DMD: variants seen among roughly 807,000 people sequenced by gnomAD.
DMD encodes the protein dystrophin.
A neutral mutation model predicts 330.1 loss-of-function variants in DMD; 63 were observed. The observed-to-expected ratio is 0.19, with a 90% confidence interval of 0.16 to 0.24. DMD has a LOEUF of 0.24. Among genes scored for constraint, DMD ranks in the 10% least tolerant of loss-of-function variants. The pLI, the probability that DMD is intolerant of heterozygous loss-of-function variation, is 1.00. For missense variants in DMD, 3,344 were observed against 2,684.1 expected (o/e 1.25, Z -5.43); for synonymous variants, 1,223 against 959.8 (o/e 1.27, Z -5.07).
At chrX:32,348,940 C>A (rs764614796) in intron 37 of DMD, among the ~76,000 whole-genome samples, 2 of 111,448 alleles carry the variant, frequency 1.8e-5, no homozygotes, top group South Asian at 7.4e-4. Context: ...GGTAGAAATG[C>A]AGAATTGTCA....
intron 61 of DMD, among the ~76,000 whole-genome samples, chrX:31,343,606 TGTGTGTGTGTGTGAGAGA>T (rs2057893009): frequency 1.0e-5 from 1 of 96,379 alleles, no homozygotes. Flanking sequence ...TGTGTGTGTG[TGTGTGTGTGTGTGAGAGA>T]GAGAGAGAGA....
chrX:32,524,001 C>A lies in DMD; in HGVS notation c.2169-5870G>T, dbSNP rs190984236. ...AGCCTGGAGTGCAGTGGCGCGATCT[C>A]GGCTCACTGCAAGCTCCGCCTCCCA... is the stretch of plus-strand genomic sequence containing the variant. On this transcript the variant is annotated intron_variant, in intron 17 of 78. Transcript: ENST00000357033. 7.6e-3 allele frequency among the ~76,000 whole-genome samples: 795 copies of A among 104,007 alleles called. 13 individuals are homozygous for A. Among genetic ancestry groups the A allele is most frequent in the African/African-American group, 0.027 (757 of 28,020 alleles). The allele number at this position is 104,007 out of a possible 115,157, so 90.3% of individuals were successfully genotyped here. A position where few individuals can be genotyped will look rare whatever the true frequency, so the allele number is the denominator to read the frequency against.
intron 44 of DMD, among the ~76,000 whole-genome samples, chrX:32,114,668 C>T (rs1603626108): frequency 1.8e-5 from 2 of 111,804 alleles, no homozygotes. Context: ...GGAGAAGAGA[C>T]TACTCTGATT....
intron 61 of DMD, among the ~76,000 whole-genome samples, chrX:31,333,050 T>G (rs951538313): frequency 1.8e-5 from 2 of 111,440 alleles, no homozygotes; most frequent in Non-Finnish European, 3.8e-5. Flanking sequence ...AGCCATTTTC[T>G]GACTCTTTAA....
chrX:31,335,094 C>T (rs1204466494), intron 61 of DMD, among the ~76,000 whole-genome samples: 1 of 112,160 alleles, frequency 8.9e-6, no homozygotes, highest in Non-Finnish European at 1.9e-5. Context: ...CTTATCATGA[C>T]CTGATTGTCC....
chrX:32,867,181 A>AG (rs2082581969), intron 2 of DMD, among the ~76,000 whole-genome samples: 1 of 111,418 alleles, frequency 9.0e-6, no homozygotes, highest in African/African-American at 3.3e-5. Context: ...AAAAAAAAAA[A>AG]AAGTTGACTT....
chrX:32,381,215 A>G (rs1284026557), intron 33 of DMD, among the ~76,000 whole-genome samples: 3 of 111,721 alleles, frequency 2.7e-5, no homozygotes, highest in Non-Finnish European at 5.7e-5. Flanking sequence ...CATCTGCTCA[A>G]AAACAATACA....
intron 55 of DMD, among the ~76,000 whole-genome samples, chrX:31,561,671 C>A (rs2075207403): frequency 8.9e-6 from 1 of 112,343 alleles, no homozygotes; most frequent in Non-Finnish European, 1.9e-5. Context: ...CAATAACTAT[C>A]ATTTATTGAA....
At chrX:33,242,289 T>C (rs1343374014) in intron 1 of DMD, among the ~76,000 whole-genome samples, 1 of 111,044 alleles carries the variant, frequency 9.0e-6, no homozygotes, top group African/African-American at 3.3e-5. Context: ...GTCCCCAAAG[T>C]CCATTGTATT....
At chrX:31,546,273 T>C in intron 55 of DMD, among the ~76,000 whole-genome samples, 1 of 112,546 alleles carries the variant, frequency 8.9e-6, no homozygotes, top group Non-Finnish European at 1.9e-5. Flanking sequence ...TCAGCAGAGC[T>C]GCCTTGAGCT....
At chrX:31,727,644 T>A (rs1404377517) in intron 52 of DMD, among the ~76,000 whole-genome samples, 1 of 112,300 alleles carries the variant, frequency 8.9e-6, no homozygotes, top group Non-Finnish European at 1.9e-5. Flanking sequence ...CTGCTTATTT[T>A]GGACTGCACT....
chrX:31,380,389 C>T (rs2060113317), intron 60 of DMD, among the ~76,000 whole-genome samples: 1 of 109,674 alleles, frequency 9.1e-6, no homozygotes, highest in Non-Finnish European at 1.9e-5. Context: ...CCCACCTTAA[C>T]CCACAAGCAT....
At chrX:32,809,372 T>A in intron 7 of DMD, 121 bp downstream of exon 7, 1 of 580,744 alleles carries the variant, frequency 1.7e-6, no homozygotes, top group South Asian at 2.4e-5. Context: ...TTTAAATATA[T>A]CTACAGTATT....
intron 30 of DMD, among the ~76,000 whole-genome samples, chrX:32,402,635 TA>T (rs941848747): frequency 1.8e-5 from 2 of 111,585 alleles, no homozygotes; most frequent in Non-Finnish European, 3.8e-5. Flanking sequence ...GTATAATCCT[TA>T]AAAACTAGGT....
intron 44 of DMD, among the ~76,000 whole-genome samples, chrX:32,136,189 C>T (rs1008019036): frequency 2.7e-5 from 3 of 112,209 alleles, no homozygotes; most frequent in African/African-American, 9.7e-5. Flanking sequence ...GTAAGCCAAC[C>T]CTTAAACATC....
At chrX:31,822,654 GTGTGT>G (rs1407605133) in intron 49 of DMD, among the ~76,000 whole-genome samples, 30 of 8,838 alleles carry the variant, frequency 3.4e-3, no homozygotes, top group African/African-American at 0.013. Flanking sequence ...AGGCAGAGGG[GTGTGT>G]GTGTGTGTGT....
chrX:32,716,928 C>A (rs1266259672), intron 7 of DMD, among the ~76,000 whole-genome samples: 1 of 111,577 alleles, frequency 9.0e-6, no homozygotes, highest in Non-Finnish European at 1.9e-5. Context: ...AAATTTCTAA[C>A]CAGCAAAACA....
At chrX:31,308,866 A>T (rs1295043019) in intron 62 of DMD, among the ~76,000 whole-genome samples, 2 of 110,728 alleles carry the variant, frequency 1.8e-5, no homozygotes, top group African/African-American at 3.3e-5. Context: ...AGTAGTGGGG[A>T]TTACAGGCAT....
intron 11 of DMD, among the ~76,000 whole-genome samples, chrX:32,624,698 G>C (rs1275427020): frequency 9.0e-6 from 1 of 111,629 alleles, no homozygotes. Context: ...AGGAGCAATG[G>C]TATAAGTCAC....
Sources: gnomAD v4.1 joint callset for allele counts (sites outside exome capture counted in the v4.1 genomes callset) on GRCh38, gnomAD v4.1.1 for gene constraint, MANE v1.5 for transcripts, NCBI Gene and HGNC (gene_info 2026-07-23, HGNC 2026-07-21) for gene names.